Variants in MIA2 observed in about 807,000 individuals in gnomAD.
MIA2 encodes the protein melanoma inhibitory activity protein 2.
MIA2 carries 127 observed loss-of-function variants against 167.8 expected under a neutral mutation model. The ratio of observed to expected loss-of-function variants is 0.76; its 90% CI spans 0.66 to 0.88. MIA2 has a LOEUF of 0.88. Ranked by LOEUF, MIA2 falls within the 40% of genes least tolerant of loss-of-function variation. MIA2 has a pLI of 0.00. For synonymous variants in MIA2, 552 were observed against 541.9 expected, an observed-to-expected ratio of 1.02 and a Z score of -0.26; for missense variants, 1,690 against 1,624.7, an observed-to-expected ratio of 1.04 and a Z score of -0.69.
chr14:39,263,558 T>C (rs8021115), intron 6 of MIA2, among the ~76,000 whole-genome samples: 10,240 of 147,174 alleles, frequency 0.07, 504 homozygotes, highest in South Asian at 0.18. Context: ...TTCTTTCTTC[T>C]TTTCCTTTCC....
At chr14:39,386,401 C>T in intron 23 of MIA2, 2 of 1,556,778 alleles carry the variant, frequency 1.3e-6, no homozygotes, top group East Asian at 4.5e-5. Context: ...CACTACGTTT[C>T]CTTTTGGCTT....
At chr14:39,274,078 A>T (rs953938282) in intron 6 of MIA2, among the ~76,000 whole-genome samples, 1 of 152,026 alleles carries the variant, frequency 6.6e-6, no homozygotes, top group East Asian at 1.9e-4. Flanking sequence ...TGATTAATTG[A>T]TTTTTTTTAA....
intron 1 of MIA2, among the ~76,000 whole-genome samples, chr14:39,236,388 GA>G (rs2053748422): frequency 2.6e-5 from 4 of 152,092 alleles, no homozygotes; most frequent in Admixed American, 2.6e-4. Flanking sequence ...GCAGTGAGAA[GA>G]ACCTCAGGGC....
chr14:39,238,702 GGAGGATCGCTTGAGCCCA>G (rs950372441), intron 2 of MIA2, among the ~76,000 whole-genome samples: 7 of 149,402 alleles, frequency 4.7e-5, no homozygotes, highest in Non-Finnish European at 1.0e-4. Flanking sequence ...GGCTAAAGTG[GGAGGATCGCTTGAGCCCA>G]GAGGTAGAGG....
intron 14 of MIA2, among the ~76,000 whole-genome samples, chr14:39,301,255 G>A (rs536954199): frequency 5.9e-5 from 9 of 152,132 alleles, no homozygotes; most frequent in Non-Finnish European, 4.4e-5. Flanking sequence ...GTAAAGACGC[G>A]GTTTCACCAT....
intron 6 of MIA2, chr14:39,266,791 A>G (rs1039387504): frequency 1.1e-6 from 1 of 910,390 alleles, no homozygotes; most frequent in African/African-American, 1.8e-5. Context: ...GAGGCTGCGG[A>G]AGGAAAGCCT....
At chr14:39,324,688 C>T (rs2067124038) in intron 24 of MIA2, among the ~76,000 whole-genome samples, 1 of 151,880 alleles carries the variant, frequency 6.6e-6, no homozygotes, top group South Asian at 2.1e-4. Flanking sequence ...TTCACTGCAA[C>T]CCCTTCCTCT....
chr14:39,342,505 A>C (rs942689696), intron 25 of MIA2, among the ~76,000 whole-genome samples: 4 of 151,824 alleles, frequency 2.6e-5, no homozygotes, highest in African/African-American at 4.9e-5. Flanking sequence ...AGCATGATTT[A>C]TAATCCTTTG....
At chr14:39,378,838 G>T (rs989788683) in intron 23 of MIA2, among the ~76,000 whole-genome samples, 2 of 152,134 alleles carry the variant, frequency 1.3e-5, no homozygotes, top group South Asian at 4.1e-4. Flanking sequence ...AATGAAGACC[G>T]AATTTAGAAT....
chr14:39,339,867 A>T lies in MIA2; in HGVS notation c.3656-6037A>T, dbSNP rs145837582. ...CTTTATTATTTTGTTTTGTTTTGAG[A>T]CAGAATCTCACTCTGTCATCCAGGC... On this transcript the variant is annotated intron_variant, in intron 25 of 28. Transcript: ENST00000640607. Among the ~76,000 whole-genome samples, 1,494 of 152,216 alleles carry T rather than the reference A, an allele frequency of 9.8e-3. 22 individuals are homozygous for T. Among genetic ancestry groups the T allele is most frequent in the African/African-American group, 0.033 (1,375 of 41,534 alleles).
At chr14:39,237,380 G>C (rs1031512559) in intron 2 of MIA2, 17 of 308,000 alleles carry the variant, frequency 5.5e-5, no homozygotes, top group Middle Eastern at 1.1e-3. Flanking sequence ...TGCCTGCTTC[G>C]GCCTCCCAAA....
intron 25 of MIA2, among the ~76,000 whole-genome samples, chr14:39,330,821 G>A (rs925803804): frequency 3.9e-5 from 6 of 152,100 alleles, no homozygotes; most frequent in African/African-American, 1.4e-4. Context: ...GCACTGTGGT[G>A]TGAGGGACTG....
intron 23 of MIA2, among the ~76,000 whole-genome samples, chr14:39,378,668 T>A (rs1034939903): frequency 6.6e-6 from 1 of 152,218 alleles, no homozygotes; most frequent in Non-Finnish European, 1.5e-5. Context: ...AGGAATCTCT[T>A]ATGATTTTGG....
chr14:39,279,255 A>G (rs1165682801), intron 7 of MIA2, 82 bp from the exon 8 acceptor site: 1 of 1,151,536 alleles, frequency 8.7e-7, no homozygotes, highest in African/African-American at 1.6e-5. Context: ...TGTATTTCTA[A>G]GTTGGCAGTA....
intron 25 of MIA2, among the ~76,000 whole-genome samples, chr14:39,341,854 A>G (rs1221896188): frequency 2.6e-5 from 4 of 152,174 alleles, no homozygotes; most frequent in Non-Finnish European, 5.9e-5. Context: ...ATCATCAGAT[A>G]TTGATAAAGC....
chr14:39,245,177 G>T (rs1036076728), intron 3 of MIA2, among the ~76,000 whole-genome samples: 9 of 149,906 alleles, frequency 6.0e-5, no homozygotes, highest in African/African-American at 2.2e-4. Flanking sequence ...CTGGGCTCAA[G>T]CAGTCCTCCT....
At chr14:39,330,714 G>C (rs1217546138) in intron 25 of MIA2, among the ~76,000 whole-genome samples, 1 of 152,034 alleles carries the variant, frequency 6.6e-6, no homozygotes, top group Non-Finnish European at 1.5e-5. Flanking sequence ...CCTTAATTTT[G>C]TTATTTACCT....
rs1358218046 is a variant in MIA2, at chr14:39,295,020, C to T, written c.2487C>T (p.Ser829=). ...ATGAAAATTCTCAACTTCAGGAAAG[C>T]CAGAAACAGGTTTGTGCTCCGTAGG... ...ALNENSQLQE[S]QKQLLQEAEV... The change falls in exon 13 of 29, where the codon AGC becomes AGT. Residue 829 remains serine, a synonymous_variant. Transcript: ENST00000640607. 1.2e-6 allele frequency: 2 copies of T among 1,608,016 alleles called. No homozygotes were observed. The highest frequency in any genetic ancestry group is 1.7e-6 in the Non-Finnish European group (2 of 1,174,658).
intron 18 of MIA2, among the ~76,000 whole-genome samples, chr14:39,309,759 A>G (rs1388311719): frequency 6.6e-6 from 1 of 152,226 alleles, no homozygotes; most frequent in Non-Finnish European, 1.5e-5. Flanking sequence ...GCCTAAAGCT[A>G]CATGAGACGT....
Sources: gnomAD v4.1 joint callset for allele counts (sites outside exome capture counted in the v4.1 genomes callset) on GRCh38, gnomAD v4.1.1 for gene constraint, MANE v1.5 for transcripts, NCBI Gene and HGNC (gene_info 2026-07-23, HGNC 2026-07-21) for gene names.